The following KY variants were observed in gnomAD, a reference collection of about 807,000 sequenced individuals.
KY encodes the protein kyphoscoliosis peptidase.
A neutral mutation model predicts 76.1 loss-of-function variants in KY; 43 were observed. That is an observed-to-expected ratio of 0.57 (90% CI 0.44 to 0.73). The LOEUF (loss-of-function observed/expected upper bound fraction) is 0.73, where lower values mean the gene tolerates loss of function less well. KY is among the 30% of genes least tolerant of loss of function. The pLI is 0.00. For missense variants in KY, 722 were observed against 828.9 expected (o/e 0.87, Z 1.58); for synonymous variants, 277 against 326.2 (o/e 0.85, Z 1.63).
chr3:134,606,973 C>T (rs1959290613), intron 10 of KY: 3 of 985,136 alleles, frequency 3.0e-6, no homozygotes, highest in Non-Finnish European at 3.6e-6. Flanking sequence ...GAACTAGCTA[C>T]CACAAAGAAA....
chr3:134,621,863 C>G (rs1962668687), intron 6 of KY, among the ~76,000 whole-genome samples: 1 of 152,056 alleles, frequency 6.6e-6, no homozygotes, highest in Non-Finnish European at 1.5e-5. Flanking sequence ...TCCTACAACT[C>G]CACAAAAACA....
chr3:134,618,992 AG>A (rs1040669157), intron 8 of KY, among the ~76,000 whole-genome samples, 155 bp downstream of exon 8: 2 of 152,220 alleles, frequency 1.3e-5, no homozygotes, highest in Non-Finnish European at 1.5e-5. Context: ...GGTGTTAAAA[AG>A]GGAGAAATTG....
At chr3:134,650,736 A>C in intron 1 of KY, 89 bp downstream of exon 1, 1 of 1,226,580 alleles carries the variant, frequency 8.2e-7, no homozygotes, top group Non-Finnish European at 1.1e-6. Context: ...CGTTCGGGGG[A>C]GCAATGGGCG....
intron 1 of KY, among the ~76,000 whole-genome samples, chr3:134,649,328 G>C (rs1966804047): frequency 6.6e-6 from 1 of 152,146 alleles, no homozygotes; most frequent in Admixed American, 6.5e-5. Flanking sequence ...CCTGATGCCT[G>C]GTGTTTCCTG....
intron 10 of KY, chr3:134,607,693 A>T (rs560190380): frequency 1.0e-6 from 1 of 985,726 alleles, no homozygotes; most frequent in Non-Finnish European, 1.2e-6. Flanking sequence ...CAGCCCCCGT[A>T]TGCCTCAGAG....
chr3:134,642,929 G>T (rs192848788), intron 3 of KY, among the ~76,000 whole-genome samples: 2 of 152,338 alleles, frequency 1.3e-5, no homozygotes, highest in African/African-American at 4.8e-5. Context: ...AGGAGTACCT[G>T]TCAAACAGGG....
chr3:134,613,141 C>T (rs907934788), intron 8 of KY: 16 of 154,262 alleles, frequency 1.0e-4, no homozygotes, highest in Non-Finnish European at 1.8e-4. Context: ...GATTTAGCGG[C>T]GCTGTGGACC....
Position 134,603,439 on chromosome 3 carries a change from G to C in KY, c.*140C>G. On this transcript the variant is annotated 3_prime_UTR_variant, in exon 11 of 11. Coordinates refer to ENST00000423778, the MANE Select transcript of KY (RefSeq NM_178554.6). Reference sequence around the variant, plus strand: ...CACAAAGATCACAGCTCCTGTGGCAGAGGTGGGACACTGAGGCAGAGGCCT... The same window carrying C: ...CACAAAGATCACAGCTCCTGTGGCACAGGTGGGACACTGAGGCAGAGGCCT... The C allele has an allele frequency of 1.4e-6, 1 of 721,456 alleles. No individual in the cohort carries two copies. Among genetic ancestry groups the C allele is most frequent in the Non-Finnish European group, 2.3e-6 (1 of 442,598 alleles). 44.7% of individuals were successfully genotyped at this position (721,456 alleles called of 1,614,324 possible).
Position 134,603,065 on chromosome 3 carries a change from A to G in KY, c.*514T>C, listed in dbSNP as rs1456815765. On this transcript the variant is annotated 3_prime_UTR_variant, in exon 11 of 11. Coordinates refer to ENST00000423778, the MANE Select transcript of KY (RefSeq NM_178554.6). ...GAAGATGATCAGGTCTGGGAGGAGA[A>G]GATAGTCCAAGATTCCCTGGGGGCT... 6.6e-6 allele frequency: 1 copy of G among 152,622 alleles called. No individual in the cohort carries two copies. Among genetic ancestry groups the G allele is most frequent in the Non-Finnish European group, 1.5e-5 (1 of 68,352 alleles). The allele number at this position is 152,622 out of a possible 1,614,324, so 9.5% of individuals were successfully genotyped here.
Position 134,650,839 on chromosome 3 carries a change from A to C in KY, c.122T>G (p.Leu41Arg), listed in dbSNP as rs753170134. ...SDQQANPSSL[L>R]QRGGGFQGVG... ...GCGCGCGTTACCTCCTCCGCGCTGCAGCAGCGAGCTCGGGTTCGCCTGCTG... is the reference window on the plus strand; with the variant it reads ...GCGCGCGTTACCTCCTCCGCGCTGCCGCAGCGAGCTCGGGTTCGCCTGCTG... The change falls in exon 1 of 11, where the codon CTG (leucine) becomes CGG (arginine). Residue 41 changes from leucine to arginine, a missense_variant. Physicochemically the swap from Leu to Arg is moderately radical, Grantham distance 102. Transcript: ENST00000423778. 16 of 1,603,754 alleles carry C rather than the reference A, an allele frequency of 1.0e-5. No individual in the cohort carries two copies. Among genetic ancestry groups the C allele is most frequent in the Non-Finnish European group, 1.3e-5 (15 of 1,174,188 alleles).
intron 5 of KY, 114 bp downstream of exon 5, chr3:134,627,642 G>A: frequency 1.2e-6 from 1 of 853,324 alleles, no homozygotes; most frequent in Non-Finnish European, 2.0e-6. Context: ...ACCCAAAGGT[G>A]GCCCCAGCCT....
intron 1 of KY, among the ~76,000 whole-genome samples, chr3:134,648,941 A>G (rs1462597001): frequency 1.3e-5 from 2 of 152,122 alleles, no homozygotes; most frequent in Admixed American, 6.5e-5. Flanking sequence ...TTTGTTTTAT[A>G]TCTTGCACCC....
chr3:134,649,384 A>G (rs1966812798), intron 1 of KY, among the ~76,000 whole-genome samples: 1 of 152,136 alleles, frequency 6.6e-6, no homozygotes, highest in Admixed American at 6.5e-5. Flanking sequence ...AGCCTTTAGA[A>G]GTGATGTGAT....
rs181686356 is a variant in KY at position 134,623,304 on chromosome 3, C to T, written c.483+1749G>A. On this transcript the variant is annotated intron_variant, in intron 6 of 10. Coordinates refer to ENST00000423778, the MANE Select transcript of KY (RefSeq NM_178554.6). ...CCCTTCCGATGGCCATTACAAAAAT[C>T]TGGGCCCTTTGCAGACTCCAGACCC... Among the ~76,000 whole-genome samples, 3 of 152,308 alleles carry T rather than the reference C, an allele frequency of 2.0e-5. No homozygotes were observed. In the East Asian group the frequency reaches 5.8e-4, roughly 29 times the overall value.
chr3:134,607,946 G>A (rs967472076), intron 10 of KY: 21 of 996,042 alleles, frequency 2.1e-5, no homozygotes, highest in East Asian at 1.1e-4. Context: ...CTGTGTCCCC[G>A]CCTCTCCTCT....
chr3:134,632,470 TCCA>T, intron 3 of KY, among the ~76,000 whole-genome samples: 1 of 152,078 alleles, frequency 6.6e-6, no homozygotes, highest in African/African-American at 2.4e-5. Context: ...CTGGAAAATG[TCCA>T]AGTATTAAAA....
chr3:134,610,396 CA>C lies in KY; in HGVS notation c.711-14del, dbSNP rs1186475364. The C allele has an allele frequency of 6.2e-7, 1 of 1,604,628 alleles. No individual in the cohort carries two copies. The highest frequency in any genetic ancestry group is 8.5e-7 in the Non-Finnish European group (1 of 1,175,202). On this transcript the variant is annotated splice_polypyrimidine_tract_variant and intron_variant, in intron 8 of 10. Transcript: ENST00000423778. ...CACTCCGGCGAGCCTGGGGGCAGGACAGGGGGTCTGAGAGGGGGATCCCGCT... is the reference window on the plus strand; with the variant it reads ...CACTCCGGCGAGCCTGGGGGCAGGACGGGGGTCTGAGAGGGGGATCCCGCT...
intron 3 of KY, chr3:134,641,123 C>G (rs1965701179): frequency 6.6e-6 from 1 of 152,516 alleles, no homozygotes; most frequent in African/African-American, 2.4e-5. Context: ...GCTGGAAGCT[C>G]TTCCCCAGAT....
intron 2 of KY, among the ~76,000 whole-genome samples, chr3:134,646,282 C>T (rs956765194): frequency 2.0e-5 from 3 of 152,162 alleles, no homozygotes; most frequent in African/African-American, 7.2e-5. Context: ...ACAGGGAAGC[C>T]ATTGCACCCA....
Sources: allele counts gnomAD v4.1 joint callset (sites outside exome capture counted in the v4.1 genomes callset), GRCh38; gene constraint gnomAD v4.1.1; transcripts MANE v1.5; gene names NCBI Gene and HGNC (gene_info 2026-07-23, HGNC 2026-07-21).